SH3GL3: variants seen among roughly 807,000 people sequenced by gnomAD.
The protein encoded by SH3GL3 is endophilin-A3.
Under a neutral mutation model 47.7 loss-of-function variants are expected in SH3GL3, and 33 were observed. That is an observed-to-expected ratio of 0.69 (90% CI 0.52 to 0.92). The LOEUF is 0.92. SH3GL3 is among the 40% of genes least tolerant of loss of function. The pLI is 0.00. For missense variants in SH3GL3, 363 were observed against 417.8 expected (o/e 0.87, Z 1.14); for synonymous variants, 155 against 148.8 (o/e 1.04, Z -0.30).
intron 8 of SH3GL3, among the ~76,000 whole-genome samples, chr15:83,612,560 A>G (rs1237812803): frequency 6.6e-6 from 1 of 152,176 alleles, no homozygotes; most frequent in Non-Finnish European, 1.5e-5. Context: ...CATGGTTTCC[A>G]CTGGGCTCCA....
chr15:83,475,066 G>A (rs1596053131), intron 1 of SH3GL3, among the ~76,000 whole-genome samples: 1 of 151,838 alleles, frequency 6.6e-6, no homozygotes, highest in East Asian at 1.9e-4. Flanking sequence ...CTTCTTGGTG[G>A]TCTCATTGAG....
At chr15:83,572,001 C>T (rs1218047767) in intron 4 of SH3GL3, among the ~76,000 whole-genome samples, 1 of 152,186 alleles carries the variant, frequency 6.6e-6, no homozygotes, top group Non-Finnish European at 1.5e-5. Context: ...GACCCCCACC[C>T]CACCCTGCTG....
intron 1 of SH3GL3, among the ~76,000 whole-genome samples, chr15:83,541,254 A>G (rs540345898): frequency 6.8e-6 from 1 of 146,624 alleles, no homozygotes; most frequent in South Asian, 2.2e-4. Context: ...TCTCTTTGAT[A>G]CACTGATTTC....
At chr15:83,586,656 T>C (rs1217363459) in intron 6 of SH3GL3, among the ~76,000 whole-genome samples, 1 of 152,240 alleles carries the variant, frequency 6.6e-6, no homozygotes, top group Non-Finnish European at 1.5e-5. Flanking sequence ...TGGAAGAGCT[T>C]TATCTCTCTG....
chr15:83,503,886 C>T (rs960935370), intron 1 of SH3GL3, among the ~76,000 whole-genome samples: 2 of 152,180 alleles, frequency 1.3e-5, no homozygotes, highest in Non-Finnish European at 2.9e-5. Flanking sequence ...AGGCGCATTT[C>T]CCCATGTCTT....
intron 1 of SH3GL3, among the ~76,000 whole-genome samples, chr15:83,501,096 C>T (rs1229488212): frequency 6.6e-6 from 1 of 152,066 alleles, no homozygotes; most frequent in Non-Finnish European, 1.5e-5. Flanking sequence ...TTGTTTTCAC[C>T]TGACGTTTTT....
intron 1 of SH3GL3, among the ~76,000 whole-genome samples, chr15:83,490,159 C>T (rs369414383): frequency 2.6e-5 from 4 of 151,976 alleles, no homozygotes; most frequent in East Asian, 3.9e-4. Flanking sequence ...GTTGGGGCCC[C>T]TTAGGGGTCT....
At chr15:83,521,809 T>C (rs2043217328) in intron 1 of SH3GL3, among the ~76,000 whole-genome samples, 1 of 152,190 alleles carries the variant, frequency 6.6e-6, no homozygotes, top group South Asian at 2.1e-4. Flanking sequence ...CAGTTGGGAA[T>C]TAATGGCAAA....
In SH3GL3 at chr15:83,448,442, A is replaced by ATGTGTGTGTGTGTGTGTGTGTGTGTG. The variant is rs71156081; in HGVS notation, c.45+878_45+903dup. 3.6e-5 allele frequency among the ~76,000 whole-genome samples: 5 copies of ATGTGTGTGTGTGTGTGTGTGTGTGTG among 140,642 alleles called. No individual in the cohort carries two copies. Among genetic ancestry groups the ATGTGTGTGTGTGTGTGTGTGTGTGTG allele is most frequent in the African/African-American group, 1.1e-4 (4 of 36,308 alleles). 92.3% of individuals were successfully genotyped at this position (140,642 alleles called of 152,430 possible). A position where few individuals can be genotyped will look rare whatever the true frequency, so the allele number is the denominator to read the frequency against. ...AAACAGGAGGGGAGACATGAAATTG[A>ATGTGTGTGTGTGTGTGTGTGTGTGTG]TGTGTGTGTGTGTGTGTGTGTGTGT... On this transcript the variant is annotated intron_variant, in intron 1 of 8. Coordinates refer to ENST00000427482, the MANE Select transcript of SH3GL3 (RefSeq NM_003027.5). This position sits in a 1 kb window ranked among gnomAD's most constrained non-coding sequence, Gnocchi z 4.2.
At chr15:83,513,561 C>T (rs2042860565) in intron 1 of SH3GL3, among the ~76,000 whole-genome samples, 2 of 152,152 alleles carry the variant, frequency 1.3e-5, no homozygotes, top group African/African-American at 4.8e-5. Context: ...AGGCATCATC[C>T]CTGCCCTCCT....
downstream of SH3GL3, among the ~76,000 whole-genome samples, chr15:83,622,720 A>G (rs2060918271): frequency 6.6e-6 from 1 of 152,240 alleles, no homozygotes; most frequent in Admixed American, 6.5e-5. Flanking sequence ...CAGAGTCTGC[A>G]TCCAGATAGT....
intron 8 of SH3GL3, among the ~76,000 whole-genome samples, chr15:83,614,703 T>G (rs1437986920): frequency 6.6e-6 from 1 of 152,168 alleles, no homozygotes; most frequent in Non-Finnish European, 1.5e-5. Context: ...GCCACCTTGG[T>G]ACAACCTGGG....
At chr15:83,457,986 A>T (rs2151499366) in intron 1 of SH3GL3, among the ~76,000 whole-genome samples, 1 of 152,280 alleles carries the variant, frequency 6.6e-6, no homozygotes, top group South Asian at 2.1e-4. Context: ...TTTCAGCTTT[A>T]TTAACAAACG....
chr15:83,515,748 A>G lies in SH3GL3; in HGVS notation c.46-43505A>G, dbSNP rs140060863. On this transcript the variant is annotated intron_variant, in intron 1 of 8. Transcript: ENST00000427482. The stretch of plus-strand genomic sequence containing the variant: ...CAAACATTTCAAATTAAATGCAAAT[A>G]AAATTACAAACCTAATAAAATTCAA... 2.8e-3 allele frequency among the ~76,000 whole-genome samples: 432 copies of G among 152,374 alleles called. 2 individuals are homozygous for G. The highest frequency in any genetic ancestry group is 4.0e-3 in the Non-Finnish European group (275 of 68,044).
intron 1 of SH3GL3, among the ~76,000 whole-genome samples, chr15:83,464,988 T>TATAATA (rs143393694): frequency 0.15 from 21,763 of 141,306 alleles, 1,768 homozygotes; most frequent in South Asian, 0.25. Context: ...GAACTTAAAG[T>TATAATA]ATAATAATAA....
At chr15:83,550,999 C>T (rs1021181086) in intron 1 of SH3GL3, among the ~76,000 whole-genome samples, 4 of 152,152 alleles carry the variant, frequency 2.6e-5, no homozygotes, top group Admixed American at 1.3e-4. Context: ...AAGATGGAGA[C>T]GCCAAGGTTT....
chr15:83,598,544 A>G (rs1186911809), intron 8 of SH3GL3, among the ~76,000 whole-genome samples: 2 of 152,206 alleles, frequency 1.3e-5, no homozygotes, highest in African/African-American at 4.8e-5. Context: ...CCTGTACTTC[A>G]TTGTGCCATA....
At position 83,578,563 on chromosome 15, in the gene SH3GL3, T is replaced by G. The variant is rs542359048; in HGVS notation, c.624+1822T>G. On this transcript the variant is annotated intron_variant, in intron 6 of 8. Coordinates refer to ENST00000427482, the MANE Select transcript of SH3GL3 (RefSeq NM_003027.5). ...TAACAAGACATTCATCCTGGAGAAT[T>G]TATTCTCCCAACTGGAAATGCCAAT... Among the ~76,000 whole-genome samples the G allele has an allele frequency of 2.6e-5, 4 of 152,280 alleles. No homozygotes were observed. The South Asian group carries it at 8.3e-4, about 32-fold the overall frequency.
chr15:83,582,587 A>T (rs1280803548), intron 6 of SH3GL3, among the ~76,000 whole-genome samples: 1 of 152,212 alleles, frequency 6.6e-6, no homozygotes, highest in Non-Finnish European at 1.5e-5. Flanking sequence ...CCTAACAGAA[A>T]ATACAGTTGG....
Sources: allele counts gnomAD v4.1 joint callset (sites outside exome capture counted in the v4.1 genomes callset), GRCh38; gene constraint gnomAD v4.1.1; non-coding constraint Gnocchi (gnomAD v3.1); transcripts MANE v1.5; gene names NCBI Gene and HGNC (gene_info 2026-07-23, HGNC 2026-07-21).